RABEP2: variants seen among roughly 807,000 people sequenced by gnomAD.
RABEP2 encodes the protein rab GTPase-binding effector protein 2.
Under a neutral mutation model 74.1 loss-of-function variants are expected in RABEP2, and 57 were observed. That is an observed-to-expected ratio of 0.77 (90% CI 0.62 to 0.96). The LOEUF is 0.96. Among genes scored for constraint, RABEP2 ranks in the 40% least tolerant of loss-of-function variants. The probability of loss-of-function intolerance (pLI) is 0.00; values close to 1 mark genes in which losing one functional copy is unlikely to be tolerated. For synonymous variants in RABEP2, 351 were observed against 344.0 expected (o/e 1.02, Z -0.23); for missense variants, 692 against 756.3 (o/e 0.91, Z 1.00).
At position 28,904,959 on chromosome 16, in the gene RABEP2, T is replaced by C. The variant is rs759288035; in HGVS notation, c.1694A>G (p.Asp565Gly). The C allele has an allele frequency of 6.2e-7, 1 of 1,612,410 alleles. No individual in the cohort carries two copies. Among genetic ancestry groups the C allele is most frequent in the African/African-American group, 1.3e-5 (1 of 74,920 alleles). ...MDEAPLTDVR[D>G]IKDT ...CCTGACCCCTCAGGTGTCCTTGATG[T>C]CCCTGACGTCCGTGAGTGGCGCCTC... The change falls in exon 13 of 13, where the codon GAC becomes GGC. Residue 565 changes from aspartate (D) to glycine (G), a missense_variant. Transcript: ENST00000358201.
At chr16:28,920,885 A>T (rs1257223779) in intron 2 of RABEP2, among the ~76,000 whole-genome samples, 1 of 147,882 alleles carries the variant, frequency 6.8e-6, no homozygotes, top group Non-Finnish European at 1.5e-5. Context: ...AATTTTTGAG[A>T]AAGGGTCTCA....
At chr16:28,915,083 T>G (rs1270445226) in intron 3 of RABEP2, among the ~76,000 whole-genome samples, 2 of 145,916 alleles carry the variant, frequency 1.4e-5, no homozygotes, top group Non-Finnish European at 3.0e-5. Flanking sequence ...TTTTTTGAGA[T>G]GGAGTCTTGC....
intron 8 of RABEP2, among the ~76,000 whole-genome samples, chr16:28,907,052 G>A (rs1051737705): frequency 2.6e-5 from 4 of 151,910 alleles, no homozygotes; most frequent in African/African-American, 9.7e-5. Flanking sequence ...AAACACCGAA[G>A]ACCGCAAGGG....
Position 28,904,482 on chromosome 16 carries a change from A to G in RABEP2, c.*461T>C. ...GAAAAGTCTGGCCTTGCCTCTGTGC[A>G]AGCTTGGAGGCCTGGGTCGCCGCTG... On this transcript the variant is annotated 3_prime_UTR_variant, in exon 13 of 13. Transcript: ENST00000358201. 1 of 1,504,194 alleles carries G rather than the reference A, an allele frequency of 6.6e-7. No homozygotes were observed. Among genetic ancestry groups the G allele is most frequent in the Non-Finnish European group, 8.9e-7 (1 of 1,126,626 alleles). 93.2% of individuals were successfully genotyped at this position (1,504,194 alleles called of 1,614,324 possible). A position where few individuals can be genotyped will look rare whatever the true frequency, so the allele number is the denominator to read the frequency against.
At position 28,904,629 on chromosome 16, in the gene RABEP2, G is replaced by A. The variant is rs1964192789; in HGVS notation, c.*314C>T. 2.1e-6 allele frequency: 2 copies of A among 955,650 alleles called. No individual in the cohort carries two copies. Among genetic ancestry groups the A allele is most frequent in the Non-Finnish European group, 2.9e-6 (2 of 688,554 alleles). The allele number at this position is 955,650 out of a possible 1,614,324, so 59.2% of individuals were successfully genotyped here. On this transcript the variant is annotated 3_prime_UTR_variant, in exon 13 of 13. Transcript: ENST00000358201. Reference sequence around the variant, plus strand: ...ATGGCTCCGCTGTGCCCTGGGCAGGGGACGGGCTGGGGGCAGGGGAGGGCT... The same window carrying A: ...ATGGCTCCGCTGTGCCCTGGGCAGGAGACGGGCTGGGGGCAGGGGAGGGCT...
At chr16:28,918,924 G>C (rs972325968) in intron 3 of RABEP2, among the ~76,000 whole-genome samples, 1 of 152,190 alleles carries the variant, frequency 6.6e-6, no homozygotes, top group East Asian at 1.9e-4. Context: ...GGCCTCAAGC[G>C]ATCCTCCTGC....
chr16:28,911,672 A>AC (rs1275283768), intron 5 of RABEP2, among the ~76,000 whole-genome samples: 2 of 150,870 alleles, frequency 1.3e-5, no homozygotes, highest in East Asian at 3.9e-4. Flanking sequence ...AAAAAAAAAA[A>AC]CAGGGCCAGG....
intron 3 of RABEP2, among the ~76,000 whole-genome samples, chr16:28,916,673 C>CAA (rs74392921): frequency 1.8e-3 from 87 of 48,584 alleles, no homozygotes; most frequent in Non-Finnish European, 2.2e-3. Flanking sequence ...CTCTTGTCTC[C>CAA]AAAAAAAAAA....
chr16:28,925,190 G>A lies in RABEP2; in HGVS notation c.-27C>T. Reference sequence around the variant, plus strand: ...GCCTCAGCGCAAACGGCGGATTCCCGCACTCCCTGGTGACGGAGCGCACCG... The same window carrying A: ...GCCTCAGCGCAAACGGCGGATTCCCACACTCCCTGGTGACGGAGCGCACCG... On this transcript the variant is annotated 5_prime_UTR_variant, in exon 1 of 13. Transcript: ENST00000358201. 2 of 1,522,984 alleles carry A rather than the reference G, an allele frequency of 1.3e-6. No individual in the cohort carries two copies. Among genetic ancestry groups the A allele is most frequent in the Middle Eastern group, 1.7e-4 (1 of 5,902 alleles). The allele number at this position is 1,522,984 out of a possible 1,614,324, so 94.3% of individuals were successfully genotyped here.
chr16:28,918,173 G>A (rs187629037), intron 3 of RABEP2, among the ~76,000 whole-genome samples: 42 of 148,214 alleles, frequency 2.8e-4, no homozygotes, highest in Admixed American at 5.6e-4. Flanking sequence ...TCCGCTTCCC[G>A]GGTTCACGCC....
intron 3 of RABEP2, among the ~76,000 whole-genome samples, chr16:28,919,346 C>T (rs553029361): frequency 8.5e-5 from 13 of 152,214 alleles, no homozygotes; most frequent in East Asian, 3.9e-4. Flanking sequence ...GACAGGGTTT[C>T]GCCATGTTGG....
intron 1 of RABEP2, 101 bp downstream of exon 1, chr16:28,925,002 C>T (rs1964515969): frequency 2.3e-6 from 3 of 1,321,368 alleles, no homozygotes; most frequent in East Asian, 5.0e-5. Flanking sequence ...GGCCCCGCCC[C>T]TTCCTCCATC....
rs1334378992 is a variant in RABEP2 at position 28,925,094 on chromosome 16, C to A, written c.61+9G>T. ...CGTTCCCCGCTTGCACGGACGCCCC[C>A]TCACGTACCAGCCCCCGGCCGCCGC... On this transcript the variant is annotated intron_variant, in intron 1 of 12. Transcript: ENST00000358201. 8 of 1,547,928 alleles carry A rather than the reference C, an allele frequency of 5.2e-6. No homozygotes were observed. Among genetic ancestry groups the A allele is most frequent in the Non-Finnish European group, 6.9e-6 (8 of 1,154,808 alleles).
In RABEP2 at chr16:28,924,481, T is replaced by C. The variant is rs763953841; in HGVS notation, c.196A>G (p.Ser66Gly). The C allele has an allele frequency of 1.4e-5, 22 of 1,613,906 alleles. No homozygotes were observed. Among genetic ancestry groups the C allele is most frequent in the Non-Finnish European group, 1.8e-5 (21 of 1,180,018 alleles). ...GCAGCCACAGCCTCGGCCTTCGTGC[T>C]CTCGCTCACCTCTGCCACAGCCTTC... ...TMKAVAEVSE[S>G]TKAEAVAAVQ... Residue 66 changes from serine to glycine, a missense_variant, in exon 2 of 13, where the codon AGC becomes GGC. Physicochemically the swap from Ser to Gly is moderately conservative, Grantham distance 56 (BLOSUM62 0). Transcript: ENST00000358201.
At chr16:28,906,314 G>A (rs1362139189) in intron 8 of RABEP2, 118 bp from the exon 9 acceptor site, 1 of 1,341,206 alleles carries the variant, frequency 7.5e-7, no homozygotes, top group East Asian at 2.5e-5. Context: ...TGGAAGCAAA[G>A]GGCTAAAGTG....
At chr16:28,916,629 G>A (rs568639310) in intron 3 of RABEP2, among the ~76,000 whole-genome samples, 6 of 140,912 alleles carry the variant, frequency 4.3e-5, no homozygotes, top group Admixed American at 1.5e-4. Context: ...CCAAGATCAC[G>A]TCACTGCACT....
Position 28,919,819 on chromosome 16 carries a change from G to A in RABEP2, c.399C>T (p.Tyr133=). ...TCTGCTTCTCCAGGGAGTCCAGGGG[G>A]TAGGCCCGGGACAGCAGCTGCTTCA... ...GRLKQLLSRA[Y]PLDSLEKQME... The change falls in exon 3 of 13, where the codon TAC becomes TAT. Residue 133 remains tyrosine (Y), a synonymous_variant. Transcript: ENST00000358201. 6.2e-7 allele frequency: 1 copy of A among 1,611,270 alleles called. No individual in the cohort carries two copies. Among genetic ancestry groups the A allele is most frequent in the Non-Finnish European group, 8.5e-7 (1 of 1,178,512 alleles).
intron 8 of RABEP2, among the ~76,000 whole-genome samples, chr16:28,906,509 A>C (rs992070461): frequency 6.6e-6 from 1 of 152,160 alleles, no homozygotes; most frequent in African/African-American, 2.4e-5. Context: ...TCACACCTGC[A>C]ATCTCAGTAC....
chr16:28,905,019 G>A lies in RABEP2; in HGVS notation c.1634C>T (p.Ala545Val). 2 of 1,609,866 alleles carry A rather than the reference G, an allele frequency of 1.2e-6. No individual in the cohort carries two copies. Among genetic ancestry groups the A allele is most frequent in the African/African-American group, 1.3e-5 (1 of 75,056 alleles). The change falls in exon 13 of 13, where the codon GCT becomes GTT. Residue 545 changes from alanine (A) to valine (V), a missense_variant. Ala to Val is a moderately conservative substitution (Grantham distance 64). Coordinates refer to ENST00000358201, the MANE Select transcript of RABEP2 (RefSeq NM_024816.3). ...GCTGCGCACTTGCTCCAGGGTCTCA[G>A]CCTGGCGGATCCGCTCTAGGCGCAC... is the stretch of plus-strand genomic sequence containing the variant. Reference protein sequence around the residue: ...LQVRLERIRQAETLEQVRSIM... With the variant: ...LQVRLERIRQVETLEQVRSIM...
Sources: gnomAD v4.1 joint callset for allele counts (sites outside exome capture counted in the v4.1 genomes callset) on GRCh38, gnomAD v4.1.1 for gene constraint, MANE v1.5 for transcripts, NCBI Gene and HGNC (gene_info 2026-07-23, HGNC 2026-07-21) for gene names.